Variants in ADGRB3 observed in about 807,000 individuals in gnomAD.
ADGRB3 encodes the protein adhesion G protein-coupled receptor B3.
ADGRB3 carries 37 observed loss-of-function variants against 193.4 expected under a neutral mutation model. That is an observed-to-expected ratio of 0.19 (90% CI 0.15 to 0.25). The LOEUF (loss-of-function observed/expected upper bound fraction) is 0.25, where lower values mean the gene tolerates loss of function less well. Among genes scored for constraint, ADGRB3 ranks in the 10% least tolerant of loss-of-function variants. The pLI is 1.00. For missense variants in ADGRB3, 1,637 were observed against 1,852.9 expected, an observed-to-expected ratio of 0.88 and a Z score of 2.14; for synonymous variants, 690 against 644.2, an observed-to-expected ratio of 1.07 and a Z score of -1.08.
chr6:69,253,804 A>C (rs1299100072), intron 20 of ADGRB3, among the ~76,000 whole-genome samples: 1 of 152,134 alleles, frequency 6.6e-6, no homozygotes, highest in Non-Finnish European at 1.5e-5. Context: ...AACAGGATGC[A>C]ATTATAGATT....
At chr6:69,183,609 G>T (rs889980598) in intron 17 of ADGRB3, among the ~76,000 whole-genome samples, 1 of 151,970 alleles carries the variant, frequency 6.6e-6, no homozygotes, top group African/African-American at 2.4e-5. Context: ...CACATGGCCA[G>T]ATTATTGATT....
chr6:68,649,935 G>T (rs955262379), intron 3 of ADGRB3, among the ~76,000 whole-genome samples: 3 of 152,064 alleles, frequency 2.0e-5, no homozygotes, highest in Non-Finnish European at 4.4e-5. Flanking sequence ...GGCAGTAATG[G>T]CTCCCCACTG....
At chr6:69,103,801 A>G (rs1270254981) in intron 17 of ADGRB3, among the ~76,000 whole-genome samples, 4 of 150,144 alleles carry the variant, frequency 2.7e-5, no homozygotes, top group Non-Finnish European at 5.9e-5. Flanking sequence ...TATTTATTTT[A>G]TAAAGTCACA....
At chr6:69,333,287 G>GC (rs1304311042) in intron 24 of ADGRB3, among the ~76,000 whole-genome samples, 1 of 152,134 alleles carries the variant, frequency 6.6e-6, no homozygotes, top group Non-Finnish European at 1.5e-5. Flanking sequence ...GGCTTTACTT[G>GC]CAATAGTTGT....
intron 17 of ADGRB3, among the ~76,000 whole-genome samples, chr6:69,113,814 C>G (rs1264219024): frequency 6.6e-6 from 1 of 152,064 alleles, no homozygotes; most frequent in Non-Finnish European, 1.5e-5. Flanking sequence ...TTTTCAGTAT[C>G]AGATAATTGA....
At chr6:68,880,152 A>C (rs532472905) in intron 3 of ADGRB3, among the ~76,000 whole-genome samples, 2 of 152,196 alleles carry the variant, frequency 1.3e-5, no homozygotes, top group East Asian at 3.9e-4. Context: ...CGGATAAGGC[A>C]GCCACTGCCT....
chr6:68,799,628 T>A (rs1380793606), intron 3 of ADGRB3, among the ~76,000 whole-genome samples: 1 of 152,108 alleles, frequency 6.6e-6, no homozygotes, highest in Non-Finnish European at 1.5e-5. Context: ...AGATCAGATA[T>A]AACAAGAACA....
At chr6:68,785,670 A>C (rs948017661) in intron 3 of ADGRB3, among the ~76,000 whole-genome samples, 17 of 152,112 alleles carry the variant, frequency 1.1e-4, no homozygotes, top group African/African-American at 2.4e-4. Flanking sequence ...GTGTATATAC[A>C]CAGTAATGGG....
At chr6:68,875,023 CTTT>C (rs1765552467) in intron 3 of ADGRB3, among the ~76,000 whole-genome samples, 1 of 149,968 alleles carries the variant, frequency 6.7e-6, no homozygotes, top group Non-Finnish European at 1.5e-5. Context: ...GAAGCATTTA[CTTT>C]CTTTCTTTCT....
chr6:69,199,029 C>A (rs1765359364), intron 17 of ADGRB3, among the ~76,000 whole-genome samples: 1 of 152,076 alleles, frequency 6.6e-6, no homozygotes, highest in Non-Finnish European at 1.5e-5. Context: ...CTGGTTCTGT[C>A]AAAGCAGGCA....
At chr6:68,976,556 C>T (rs527336434) in intron 10 of ADGRB3, among the ~76,000 whole-genome samples, 2 of 151,860 alleles carry the variant, frequency 1.3e-5, no homozygotes, top group Non-Finnish European at 2.9e-5. Flanking sequence ...GAAGGCTCAC[C>T]GATAACAAAA....
rs151033788 is a variant in ADGRB3, at chr6:68,668,106, G to A, written c.757+28674G>A. Among the ~76,000 whole-genome samples, 16 of 152,040 alleles carry A rather than the reference G, an allele frequency of 1.1e-4. No individual in the cohort carries two copies. The East Asian group carries it at 3.1e-3, about 29-fold the overall frequency. ...CCCTTTCCTGCAAGTTAGAGAACAG[G>A]AAGTTACCATGTAGAATATTGGTTC... On this transcript the variant is annotated intron_variant, in intron 3 of 31. Coordinates refer to ENST00000370598, the MANE Select transcript of ADGRB3 (RefSeq NM_001704.3).
intron 26 of ADGRB3, among the ~76,000 whole-genome samples, chr6:69,351,449 A>G (rs1037291779): frequency 6.6e-6 from 1 of 152,226 alleles, no homozygotes; most frequent in African/African-American, 2.4e-5. Context: ...AGAATAAAGT[A>G]GAATTTCTTA....
chr6:68,747,114 C>T (rs1267782441), intron 3 of ADGRB3, among the ~76,000 whole-genome samples: 1 of 152,094 alleles, frequency 6.6e-6, no homozygotes, highest in Admixed American at 6.6e-5. Context: ...ATTATATAAT[C>T]ACATGTAATG....
intron 13 of ADGRB3, among the ~76,000 whole-genome samples, chr6:69,034,646 G>GCTATAAATATATAACTATATT (rs1770812456): frequency 6.8e-6 from 1 of 146,278 alleles, no homozygotes; most frequent in African/African-American, 2.5e-5. Flanking sequence ...ATAACTATAT[G>GCTATAAATATATAACTATATT]GTGAGAGACA....
intron 28 of ADGRB3, among the ~76,000 whole-genome samples, chr6:69,358,378 G>C (rs939101663): frequency 9.2e-5 from 14 of 151,836 alleles, no homozygotes; most frequent in African/African-American, 3.4e-4. Context: ...CTCAAGCTGT[G>C]ATCTCATCTC....
chr6:69,227,995 C>A (rs1294699734), intron 17 of ADGRB3, among the ~76,000 whole-genome samples: 3 of 152,184 alleles, frequency 2.0e-5, no homozygotes, highest in African/African-American at 7.2e-5. Context: ...GTGGCTCACA[C>A]CTGTAATCCC....
chr6:69,302,939 T>C (rs1450083702), intron 20 of ADGRB3, among the ~76,000 whole-genome samples: 2 of 151,868 alleles, frequency 1.3e-5, no homozygotes, highest in East Asian at 1.9e-4. Context: ...TTTCAAGATA[T>C]GGATCTTGGA....
intron 26 of ADGRB3, among the ~76,000 whole-genome samples, chr6:69,343,759 T>A (rs1255669599): frequency 6.6e-6 from 1 of 152,096 alleles, no homozygotes; most frequent in Admixed American, 6.6e-5. Context: ...AAAGAAGCCA[T>A]CTGATTCATC....
Sources: gnomAD v4.1 joint callset for allele counts (sites outside exome capture counted in the v4.1 genomes callset) on GRCh38, gnomAD v4.1.1 for gene constraint, MANE v1.5 for transcripts, NCBI Gene and HGNC (gene_info 2026-07-23, HGNC 2026-07-21) for gene names.